The following RDH14 variants were observed in gnomAD, a reference collection of about 807,000 sequenced individuals.
RDH14 encodes the protein alcohol dehydrogenase PAN2.
RDH14 carries 17 observed loss-of-function variants against 19.3 expected under a neutral mutation model. The ratio of observed to expected loss-of-function variants is 0.88; its 90% CI spans 0.60 to 1.32. RDH14 has a LOEUF of 1.32. Ranked by LOEUF, RDH14 falls within the 40% of genes most tolerant of loss-of-function variation. The pLI is 0.00. For missense variants in RDH14, 534 were observed against 449.2 expected (o/e 1.19, Z -1.71); for synonymous variants, 215 against 188.9 (o/e 1.14, Z -1.13).
chr2:18,557,936 G>A (rs60406249), intron 1 of RDH14, among the ~76,000 whole-genome samples: 14,631 of 152,232 alleles, frequency 0.096, 1,518 homozygotes, highest in East Asian at 0.58. Context: ...TTCTGCAACA[G>A]CTCCCGAACT....
intron 1 of RDH14, among the ~76,000 whole-genome samples, chr2:18,557,327 TG>T (rs1663950648): frequency 6.6e-6 from 1 of 152,152 alleles, no homozygotes; most frequent in Admixed American, 6.5e-5. Context: ...AAAAGAAAAA[TG>T]TGTTACATTT....
In RDH14 at chr2:18,560,614, G is replaced by A; in HGVS notation, c.-42C>T. 2.2e-6 allele frequency: 3 copies of A among 1,385,744 alleles called. No homozygotes were observed. The highest frequency in any genetic ancestry group is 6.1e-5 in the East Asian group (2 of 32,718). 85.8% of individuals were successfully genotyped at this position (1,385,744 alleles called of 1,614,324 possible). On this transcript the variant is annotated 5_prime_UTR_variant, in exon 1 of 2. Coordinates refer to ENST00000381249, the MANE Select transcript of RDH14 (RefSeq NM_020905.4). Reference sequence around the variant, plus strand: ...CCACCGGCCCCTCCACGGGAGTTCCGCAGCCGCCGCCTTACCGGAACCCAA... The same window carrying A: ...CCACCGGCCCCTCCACGGGAGTTCCACAGCCGCCGCCTTACCGGAACCCAA...
At position 18,555,056 on chromosome 2, in the gene RDH14, C is replaced by T. The variant is rs1326881714; in HGVS notation, c.*135G>A. Reference sequence around the variant, plus strand: ...AATTTTTCAGTAACTCCAAAATACCCACATGTACCTCTTAGCAGGCTATTC... The same window carrying T: ...AATTTTTCAGTAACTCCAAAATACCTACATGTACCTCTTAGCAGGCTATTC... On this transcript the variant is annotated 3_prime_UTR_variant, in exon 2 of 2. Coordinates refer to ENST00000381249, the MANE Select transcript of RDH14 (RefSeq NM_020905.4). The T allele has an allele frequency of 7.2e-7, 1 of 1,383,222 alleles. No individual in the cohort carries two copies. The highest frequency in any genetic ancestry group is 2.3e-5 in the East Asian group (1 of 42,656). The allele number at this position is 1,383,222 out of a possible 1,614,324, so 85.7% of individuals were successfully genotyped here.
Position 18,560,584 on chromosome 2 carries a change from AGGG to A in RDH14, c.-15_-13del. 7.0e-7 allele frequency: 1 copy of A among 1,423,914 alleles called. No homozygotes were observed. The highest frequency in any genetic ancestry group is 9.1e-7 in the Non-Finnish European group (1 of 1,100,230). The allele number at this position is 1,423,914 out of a possible 1,614,324, so 88.2% of individuals were successfully genotyped here. A position where few individuals can be genotyped will look rare whatever the true frequency, so the allele number is the denominator to read the frequency against. On this transcript the variant is annotated 5_prime_UTR_variant, in exon 1 of 2. Coordinates refer to ENST00000381249, the MANE Select transcript of RDH14 (RefSeq NM_020905.4). ...GTGGCCACTGCCATCGTCAGGCCCG[AGGG>A]CCCACCGGCCCCTCCACGGGAGTTC...
Position 18,555,524 on chromosome 2 carries a change from A to G in RDH14, c.678T>C (p.Leu226=), listed in dbSNP as rs1235820846. The G allele has an allele frequency of 5.0e-6, 8 of 1,614,084 alleles. No homozygotes were observed. The highest frequency in any genetic ancestry group is 1.3e-5 in the African/African-American group (1 of 74,932). The change falls in exon 2 of 2, where the codon CTT becomes CTC. Residue 226 remains leucine, a synonymous_variant. Transcript: ENST00000381249. ...CYSRSKLANI[L]FTRELARRLE... is the part of the protein sequence containing the mutation. The stretch of plus-strand genomic sequence containing the variant: ...AGCGGCGGGCTAGTTCCCTGGTAAA[A>G]AGAATGTTAGCCAGTTTGCTCCGGC...
chr2:18,555,517 T>C lies in RDH14; in HGVS notation c.685A>G (p.Arg229Gly), dbSNP rs1360492827. ...RSKLANILFT[R>G]ELARRLEGTN... ...CCTTCTAAGCGGCGGGCTAGTTCCC[T>C]GGTAAAAAGAATGTTAGCCAGTTTG... The change falls in exon 2 of 2, where the codon AGG (arginine) becomes GGG (glycine). Residue 229 changes from arginine (R) to glycine (G), a missense_variant. By Grantham distance (125) the Arg-to-Gly change is moderately radical. Transcript: ENST00000381249. 1.9e-6 allele frequency: 3 copies of C among 1,614,200 alleles called. No homozygotes were observed. Among genetic ancestry groups the C allele is most frequent in the South Asian group, 2.2e-5 (2 of 91,086 alleles).
In RDH14 at chr2:18,555,483, A is replaced by C; in HGVS notation, c.719T>G (p.Val240Gly). ...ELARRLEGTN[V>G]TVNVLHPGIV... Reference sequence around the variant, plus strand: ...ACCAGGATGCAACACATTGACGGTGACATTTGTGCCTTCTAAGCGGCGGGC... The same window carrying C: ...ACCAGGATGCAACACATTGACGGTGCCATTTGTGCCTTCTAAGCGGCGGGC... The change falls in exon 2 of 2, where the codon GTC becomes GGC. Residue 240 changes from valine to glycine, a missense_variant. Coordinates refer to ENST00000381249, the MANE Select transcript of RDH14 (RefSeq NM_020905.4). 1.2e-6 allele frequency: 2 copies of C among 1,614,178 alleles called. No homozygotes were observed. The highest frequency in any genetic ancestry group is 1.7e-6 in the Non-Finnish European group (2 of 1,180,010).
chr2:18,560,632 G>T lies in RDH14; in HGVS notation c.-60C>A, dbSNP rs958340471. On this transcript the variant is annotated 5_prime_UTR_variant, in exon 1 of 2. Coordinates refer to ENST00000381249, the MANE Select transcript of RDH14 (RefSeq NM_020905.4). Reference sequence around the variant, plus strand: ...GAGTTCCGCAGCCGCCGCCTTACCGGAACCCAAGAGACCACCTGTACGCGG... The same window carrying T: ...GAGTTCCGCAGCCGCCGCCTTACCGTAACCCAAGAGACCACCTGTACGCGG... 2 of 1,375,842 alleles carry T rather than the reference G, an allele frequency of 1.5e-6. No individual in the cohort carries two copies. The highest frequency in any genetic ancestry group is 1.9e-6 in the Non-Finnish European group (2 of 1,073,984). The allele number at this position is 1,375,842 out of a possible 1,614,324, so 85.2% of individuals were successfully genotyped here. A position where few individuals can be genotyped will look rare whatever the true frequency, so the allele number is the denominator to read the frequency against.
chr2:18,554,725 A>T lies in RDH14; in HGVS notation c.*466T>A, dbSNP rs1313434451. 1.8e-5 allele frequency: 3 copies of T among 166,802 alleles called. No individual in the cohort carries two copies. The highest frequency in any genetic ancestry group is 5.6e-5 in the Admixed American group (1 of 17,934). 10.3% of individuals were successfully genotyped at this position (166,802 alleles called of 1,614,324 possible). On this transcript the variant is annotated 3_prime_UTR_variant, in exon 2 of 2. Transcript: ENST00000381249. ...GAAGCCTCCAAAGAAATGCACAGTTAAGAATTTGTACCAGTAAATTTATTC... is the reference window on the plus strand; with the variant it reads ...GAAGCCTCCAAAGAAATGCACAGTTTAGAATTTGTACCAGTAAATTTATTC...
At position 18,555,775 on chromosome 2, in the gene RDH14, C is replaced by T. The variant is rs748041540; in HGVS notation, c.427G>A (p.Ala143Thr). The T allele has an allele frequency of 9.3e-6, 15 of 1,612,182 alleles. No homozygotes were observed. In the Admixed American group the frequency reaches 1.8e-4, roughly 20 times the overall value. The change falls in exon 2 of 2, where the codon GCA becomes ACA. Residue 143 changes from alanine to threonine, a missense_variant. By Grantham distance (58) the Ala-to-Thr change is moderately conservative. Coordinates refer to ENST00000381249, the MANE Select transcript of RDH14 (RefSeq NM_020905.4). ...EPRLDVLINN[A>T]GIFQCPYMKT... ...ATGTAAGGGCACTGGAAGATCCCTGCGTTATTGATCAAGACATCCAGCCTA... is the reference window on the plus strand; with the variant it reads ...ATGTAAGGGCACTGGAAGATCCCTGTGTTATTGATCAAGACATCCAGCCTA...
chr2:18,557,134 T>C (rs1295343478), intron 1 of RDH14, among the ~76,000 whole-genome samples: 2 of 152,204 alleles, frequency 1.3e-5, no homozygotes, highest in African/African-American at 4.8e-5. Flanking sequence ...ACTGTTCTCA[T>C]AGGGAAGTCT....
chr2:18,560,642 G>A lies in RDH14; in HGVS notation c.-70C>T. ...GCCGCCGCCTTACCGGAACCCAAGAGACCACCTGTACGCGGAGAACGCTGG... is the reference window on the plus strand; with the variant it reads ...GCCGCCGCCTTACCGGAACCCAAGAAACCACCTGTACGCGGAGAACGCTGG... On this transcript the variant is annotated 5_prime_UTR_variant, in exon 1 of 2. Coordinates refer to ENST00000381249, the MANE Select transcript of RDH14 (RefSeq NM_020905.4). The A allele has an allele frequency of 7.3e-7, 1 of 1,369,134 alleles. No homozygotes were observed. Among genetic ancestry groups the A allele is most frequent in the Middle Eastern group, 2.7e-4 (1 of 3,738 alleles). The allele number at this position is 1,369,134 out of a possible 1,614,324, so 84.8% of individuals were successfully genotyped here. A position where few individuals can be genotyped will look rare whatever the true frequency, so the allele number is the denominator to read the frequency against.
chr2:18,557,542 G>A (rs1663956339), intron 1 of RDH14, among the ~76,000 whole-genome samples: 3 of 151,984 alleles, frequency 2.0e-5, no homozygotes, highest in Non-Finnish European at 2.9e-5. Flanking sequence ...TCTTTGCTGG[G>A]CTTGTGTTAT....
chr2:18,557,377 T>G (rs949807645), intron 1 of RDH14, among the ~76,000 whole-genome samples: 1 of 152,242 alleles, frequency 6.6e-6, no homozygotes, highest in South Asian at 2.1e-4. Context: ...GAGGATTAAC[T>G]ATTTCTCATT....
intron 1 of RDH14, among the ~76,000 whole-genome samples, chr2:18,559,832 G>A (rs1377210023): frequency 6.6e-6 from 1 of 152,082 alleles, no homozygotes; most frequent in Admixed American, 6.5e-5. Context: ...ATTCACTTCT[G>A]ACACAGGAAA....
At chr2:18,559,739 CT>C (rs568657069) in intron 1 of RDH14, among the ~76,000 whole-genome samples, 180 of 152,096 alleles carry the variant, frequency 1.2e-3, no homozygotes, top group African/African-American at 4.0e-3. Flanking sequence ...GGAAGGAGAA[CT>C]TTTTTTAAAG....
intron 1 of RDH14, 152 bp downstream of exon 1, chr2:18,560,028 A>G: frequency 1.2e-6 from 1 of 813,390 alleles, no homozygotes; most frequent in African/African-American, 1.8e-5. Context: ...GGCCGCCTCA[A>G]AGTGGCTTTT....
At position 18,560,427 on chromosome 2, in the gene RDH14, G is replaced by C. The variant is rs754639849; in HGVS notation, c.146C>G (p.Thr49Ser). Reference protein sequence around the residue: ...GLMHGKTVLITGANSGLGRAT... With the variant: ...GLMHGKTVLISGANSGLGRAT... Reference sequence around the variant, plus strand: ...GCGGCCCAGGCCGCTGTTCGCCCCGGTGATCAGCACAGTCTTCCCGTGCAT... The same window carrying C: ...GCGGCCCAGGCCGCTGTTCGCCCCGCTGATCAGCACAGTCTTCCCGTGCAT... The change falls in exon 1 of 2, where the codon ACC (threonine) becomes AGC (serine). Residue 49 changes from threonine to serine, a missense_variant. Coordinates refer to ENST00000381249, the MANE Select transcript of RDH14 (RefSeq NM_020905.4). 1 of 1,506,012 alleles carries C rather than the reference G, an allele frequency of 6.6e-7. No homozygotes were observed. The highest frequency in any genetic ancestry group is 8.8e-7 in the Non-Finnish European group (1 of 1,136,300). The allele number at this position is 1,506,012 out of a possible 1,614,324, so 93.3% of individuals were successfully genotyped here. A position where few individuals can be genotyped will look rare whatever the true frequency, so the allele number is the denominator to read the frequency against.
chr2:18,555,450 C>T lies in RDH14; in HGVS notation c.752G>A (p.Arg251Gln), dbSNP rs565233813. 27 of 1,614,120 alleles carry T rather than the reference C, an allele frequency of 1.7e-5. No homozygotes were observed. The highest frequency in any genetic ancestry group is 1.6e-4 in the Middle Eastern group (1 of 6,062). ...GTGTATGTGCCTCCCCAGATTTGTCCGTACAATACCAGGATGCAACACATT... is the reference window on the plus strand; with the variant it reads ...GTGTATGTGCCTCCCCAGATTTGTCTGTACAATACCAGGATGCAACACATT... ...TVNVLHPGIV[R>Q]TNLGRHIHIP... Residue 251 changes from arginine (R) to glutamine (Q), a missense_variant, in exon 2 of 2, where the codon CGG becomes CAG. Physicochemically the swap from Arg to Gln is conservative, Grantham distance 43. Transcript: ENST00000381249.
Sources: allele counts gnomAD v4.1 joint callset (sites outside exome capture counted in the v4.1 genomes callset), GRCh38; gene constraint gnomAD v4.1.1; transcripts MANE v1.5; gene names NCBI Gene and HGNC (gene_info 2026-07-23, HGNC 2026-07-21).